DROSHA: variants seen among roughly 807,000 people sequenced by gnomAD.
The protein encoded by DROSHA is drosha ribonuclease III, also known as ribonuclease 3.
Under a neutral mutation model 181.9 loss-of-function variants are expected in DROSHA, and 56 were observed. The ratio of observed to expected loss-of-function variants is 0.31; its 90% CI spans 0.25 to 0.38. The LOEUF (loss-of-function observed/expected upper bound fraction) is 0.38. Ranked by LOEUF, DROSHA falls within the 10% of genes least tolerant of loss-of-function variation. The pLI is 1.00. For missense variants in DROSHA, 1,218 were observed against 1,743.5 expected (o/e 0.70, Z 5.37); for synonymous variants, 524 against 591.2 (o/e 0.89, Z 1.65).
intron 4 of DROSHA, among the ~76,000 whole-genome samples, chr5:31,528,421 A>C (rs903574903): frequency 6.6e-6 from 1 of 152,142 alleles, no homozygotes. Context: ...TTCCTATCTC[A>C]ATAAATGACA....
intron 35 of DROSHA, among the ~76,000 whole-genome samples, chr5:31,403,455 A>C (rs947041428): frequency 2.6e-5 from 4 of 152,212 alleles, no homozygotes; most frequent in African/African-American, 7.2e-5. Flanking sequence ...AGACACTTGA[A>C]CATTTAAAAT....
In DROSHA at chr5:31,409,377, T is replaced by C. The variant is rs774718443; in HGVS notation, c.3668-45A>G. On this transcript the variant is annotated intron_variant, in intron 31 of 35. Transcript: ENST00000344624. The surrounding 1 kb of genome is among the most constrained non-coding windows in gnomAD (Gnocchi z 4.0). ...TTAAAATAAACCACAATCACTGCCA[T>C]CTATCAGAAAGAGTAAGAGACCTAG... 9 of 1,540,330 alleles carry C rather than the reference T, an allele frequency of 5.8e-6. No homozygotes were observed. In the South Asian group the frequency reaches 1.1e-4, roughly 18 times the overall value.
intron 33 of DROSHA, among the ~76,000 whole-genome samples, chr5:31,407,356 C>T (rs1002337948): frequency 6.6e-6 from 1 of 152,196 alleles, no homozygotes; most frequent in African/African-American, 2.4e-5. Flanking sequence ...TAATACACTT[C>T]AAGCCACATC....
intron 10 of DROSHA, 86 bp downstream of exon 10, chr5:31,508,535 T>C: frequency 6.3e-7 from 1 of 1,576,214 alleles, no homozygotes; most frequent in South Asian, 1.1e-5. Context: ...GTTTCAATAC[T>C]AGGCAACATG....
chr5:31,484,825 T>C (rs958718194), intron 15 of DROSHA, 56 bp downstream of exon 15: 3 of 1,258,194 alleles, frequency 2.4e-6, no homozygotes, highest in Non-Finnish European at 3.3e-6. Context: ...AGTTTTCACA[T>C]ATACCATAAT....
In DROSHA at chr5:31,409,320, G is replaced by A. The variant is rs1195955783; in HGVS notation, c.3680C>T (p.Ala1227Val). 7 of 1,577,634 alleles carry A rather than the reference G, an allele frequency of 4.4e-6. No individual in the cohort carries two copies. Among genetic ancestry groups the A allele is most frequent in the African/African-American group, 1.3e-5 (1 of 74,140 alleles). ...LADLLESFIA[A>V]LYIDKDLEYV... is the part of the protein sequence containing the mutation. ...TTCCAAATCCTTATCAATGTACAGC[G>A]CTGCAATAAATGCTGGGGAAAAAAG... Residue 1227 changes from alanine (A) to valine (V), a missense_variant, in exon 32 of 36, where the codon GCG becomes GTG. Coordinates refer to ENST00000344624, the MANE Select transcript of DROSHA (RefSeq NM_001382508.1). This position sits in a 1 kb window ranked among gnomAD's most constrained non-coding sequence, Gnocchi z 4.0.
chr5:31,508,532 T>C, intron 10 of DROSHA, 89 bp downstream of exon 10: 2 of 1,572,228 alleles, frequency 1.3e-6, no homozygotes, highest in East Asian at 2.2e-5. Flanking sequence ...TCAGTTTCAA[T>C]ACTAGGCAAC....
intron 12 of DROSHA, among the ~76,000 whole-genome samples, chr5:31,494,345 T>C (rs527943053): frequency 1.2e-4 from 19 of 152,318 alleles, no homozygotes; most frequent in African/African-American, 4.6e-4. Context: ...AACACAGATA[T>C]TAGATTTCAT....
intron 20 of DROSHA, among the ~76,000 whole-genome samples, chr5:31,454,374 AAG>A (rs2150017642): frequency 6.6e-6 from 1 of 152,294 alleles, no homozygotes; most frequent in South Asian, 2.1e-4. Flanking sequence ...CGAAAGGCAA[AAG>A]AGAGGAGGCC....
intron 8 of DROSHA, among the ~76,000 whole-genome samples, chr5:31,511,697 C>A (rs1433532194): frequency 1.8e-5 from 2 of 113,850 alleles, no homozygotes; most frequent in Non-Finnish European, 2.1e-5. Context: ...GAGACCTCAT[C>A]TAAAAAAAAA....
chr5:31,460,526 C>G (rs1228585692), intron 20 of DROSHA, among the ~76,000 whole-genome samples: 1 of 152,128 alleles, frequency 6.6e-6, no homozygotes, highest in African/African-American at 2.4e-5. Flanking sequence ...CATCTCAAGG[C>G]TTTCACTAGC....
intron 26 of DROSHA, among the ~76,000 whole-genome samples, chr5:31,431,112 T>C (rs3805514): frequency 0.18 from 26,815 of 152,126 alleles, 2,585 homozygotes; most frequent in East Asian, 0.32. Flanking sequence ...ATAACAGTTA[T>C]ACAGACTCAA....
intron 20 of DROSHA, among the ~76,000 whole-genome samples, chr5:31,455,553 T>C (rs1350530324): frequency 6.6e-6 from 1 of 151,478 alleles, no homozygotes; most frequent in Non-Finnish European, 1.5e-5. Context: ...CATATTCTAG[T>C]AAACTATTGG....
intron 20 of DROSHA, among the ~76,000 whole-genome samples, chr5:31,453,297 G>A (rs2150016820): frequency 6.6e-6 from 1 of 152,238 alleles, no homozygotes; most frequent in South Asian, 2.1e-4. Flanking sequence ...CCAGGCTCAA[G>A]AGATCCTCCC....
At chr5:31,450,163 A>G (rs1746798493) in intron 21 of DROSHA, among the ~76,000 whole-genome samples, 1 of 152,218 alleles carries the variant, frequency 6.6e-6, no homozygotes, top group African/African-American at 2.4e-5. Context: ...TTAAAAAATC[A>G]AAAAACAGCA....
intron 30 of DROSHA, among the ~76,000 whole-genome samples, chr5:31,415,312 T>A (rs1374724830): frequency 6.6e-6 from 1 of 152,060 alleles, no homozygotes; most frequent in African/African-American, 2.4e-5. Flanking sequence ...AAAGTGACAA[T>A]AATATGCCAC....
Position 31,435,749 on chromosome 5 carries a change from CA to C in DROSHA, c.3042+15del, listed in dbSNP as rs755161683. On this transcript the variant is annotated intron_variant, in intron 25 of 35. Coordinates refer to ENST00000344624, the MANE Select transcript of DROSHA (RefSeq NM_001382508.1). ...ATGTCAGACGTAACTACAAATGCTG[CA>C]GATGTCTTCTATACCTTTGCTAGCA... The C allele has an allele frequency of 6.2e-7, 1 of 1,608,796 alleles. No individual in the cohort carries two copies. The highest frequency in any genetic ancestry group is 1.1e-5 in the South Asian group (1 of 89,738).
chr5:31,528,889 C>T (rs1487030036), intron 4 of DROSHA, 151 bp downstream of exon 4: 6 of 1,049,048 alleles, frequency 5.7e-6, no homozygotes, highest in Middle Eastern at 2.1e-4. Flanking sequence ...GGGCATGGCC[C>T]TCTATTGTAT....
rs768240249 is a variant in DROSHA at position 31,466,171 on chromosome 5, T to C, written c.2466+11A>G. ...ATCGTTAATCACCAAGGAATGGAGTTTGATACAGACCTCCCTCTGTGCCAG... is the reference window on the plus strand; with the variant it reads ...ATCGTTAATCACCAAGGAATGGAGTCTGATACAGACCTCCCTCTGTGCCAG... On this transcript the variant is annotated intron_variant, in intron 19 of 35. Transcript: ENST00000344624. The C allele has an allele frequency of 2.5e-6, 4 of 1,612,776 alleles. No individual in the cohort carries two copies. The highest frequency in any genetic ancestry group is 1.7e-5 in the Admixed American group (1 of 59,972).
Sources: allele counts gnomAD v4.1 joint callset (sites outside exome capture counted in the v4.1 genomes callset), GRCh38; gene constraint gnomAD v4.1.1; non-coding constraint Gnocchi (gnomAD v3.1); transcripts MANE v1.5; gene names NCBI Gene and HGNC (gene_info 2026-07-23, HGNC 2026-07-21).